The following MYO16 variants were observed in gnomAD, a reference collection of about 807,000 sequenced individuals.
MYO16 encodes the protein myosin XVI.
A neutral mutation model predicts 205.3 loss-of-function variants in MYO16; 94 were observed. The ratio of observed to expected loss-of-function variants is 0.46; its 90% CI spans 0.39 to 0.54. The LOEUF is 0.54. Among genes scored for constraint, MYO16 ranks in the 20% least tolerant of loss-of-function variants. The pLI is 0.00. For synonymous variants in MYO16, 988 were observed against 954.0 expected (o/e 1.04, Z -0.66); for missense variants, 2,315 against 2,387.5 (o/e 0.97, Z 0.63).
chr13:108,500,148 G>A, the MYO16 span, among the ~76,000 whole-genome samples: 1 of 150,000 alleles, frequency 6.7e-6, no homozygotes, highest in Non-Finnish European at 1.5e-5. Context: ...CATCCACACT[G>A]GAATCCTAAT....
At chr13:108,982,337 C>A (rs1355644401) in intron 20 of MYO16, among the ~76,000 whole-genome samples, 1 of 152,156 alleles carries the variant, frequency 6.6e-6, no homozygotes, top group South Asian at 2.1e-4. Context: ...CTCATAGCAT[C>A]ATATTATCTA....
chr13:108,559,855 T>C, the MYO16 span, among the ~76,000 whole-genome samples: 11 of 152,088 alleles, frequency 7.2e-5, no homozygotes, highest in African/African-American at 2.7e-4. Context: ...AAAAACAAGG[T>C]GCAGGAACAC....
At position 109,184,917 on chromosome 13, in the gene MYO16, T is replaced by G. The variant is rs148308019; in HGVS notation, c.5415+5284T>G. Among the ~76,000 whole-genome samples the G allele has an allele frequency of 5.0e-3, 769 of 152,278 alleles. 4 individuals are homozygous for G. The highest frequency in any genetic ancestry group is 8.6e-3 in the Non-Finnish European group (588 of 68,010). On this transcript the variant is annotated intron_variant, in intron 34 of 34. Transcript: ENST00000457511. ...CTGAGTAGCTGGGGCTACAGGCACA[T>G]GCCATCATGCTCGGCTAATTTTTTA... is the stretch of plus-strand genomic sequence containing the variant.
chr13:108,577,440 G>A, the MYO16 span, among the ~76,000 whole-genome samples: 1 of 152,068 alleles, frequency 6.6e-6, no homozygotes, highest in Non-Finnish European at 1.5e-5. Context: ...TCCAGCACCG[G>A]GCACCAGCAC....
intron 27 of MYO16, among the ~76,000 whole-genome samples, chr13:109,075,609 C>T (rs753848275): frequency 2.0e-5 from 3 of 151,966 alleles, no homozygotes; most frequent in Non-Finnish European, 2.9e-5. Context: ...CTCCTGACCT[C>T]GTGATCTGCC....
chr13:108,574,013 G>C, the MYO16 span, among the ~76,000 whole-genome samples: 2 of 152,050 alleles, frequency 1.3e-5, no homozygotes, highest in East Asian at 3.9e-4. Context: ...AGCACACCTG[G>C]CTAATTTTTC....
chr13:108,867,484 G>C (rs1214827574), intron 12 of MYO16, among the ~76,000 whole-genome samples: 2 of 152,130 alleles, frequency 1.3e-5, no homozygotes, highest in African/African-American at 2.4e-5. Context: ...ACCTCACCCT[G>C]TGCAATCTAA....
intron 27 of MYO16, among the ~76,000 whole-genome samples, chr13:109,062,010 G>T (rs747768084): frequency 1.3e-5 from 2 of 152,058 alleles, no homozygotes; most frequent in African/African-American, 2.4e-5. Flanking sequence ...TGTTAGCTAC[G>T]TGAATATTTC....
intron 34 of MYO16, among the ~76,000 whole-genome samples, chr13:109,191,768 C>T (rs115428906): frequency 0.019 from 2,935 of 152,268 alleles, 100 homozygotes; most frequent in African/African-American, 0.066. Flanking sequence ...TTATGAACTA[C>T]GGCAAGAGGC....
intron 2 of MYO16, among the ~76,000 whole-genome samples, chr13:108,698,752 T>A (rs1478351359): frequency 6.6e-6 from 1 of 152,232 alleles, no homozygotes; most frequent in Non-Finnish European, 1.5e-5. Context: ...ACATGCTCAA[T>A]AATTCTCGCC....
rs1311532071 is a variant in MYO16, at chr13:109,019,853, G to A, written c.2738G>A (p.Gly913Glu). ...AVYSPMKDGN[G>E]NVALKDHGTA... ...TACTCCCCCATGAAGGATGGGAATG[G>A]GAATGTTGCCCTCAAAGACCACGGT... The change falls in exon 23 of 35, where the codon GGG becomes GAG. Residue 913 changes from glycine (G) to glutamate (E), a missense_variant. Transcript: ENST00000457511. The A allele has an allele frequency of 3.7e-6, 6 of 1,614,136 alleles. No individual in the cohort carries two copies. The highest frequency in any genetic ancestry group is 1.1e-5 in the South Asian group (1 of 91,084).
chr13:108,580,145 G>C, the MYO16 span, among the ~76,000 whole-genome samples: 1 of 152,090 alleles, frequency 6.6e-6, no homozygotes, highest in Middle Eastern at 3.2e-3. Flanking sequence ...TTAATGTCAT[G>C]GTTTGCACAT....
intron 9 of MYO16, among the ~76,000 whole-genome samples, chr13:108,842,635 C>T (rs532923658): frequency 3.6e-4 from 55 of 152,130 alleles, no homozygotes; most frequent in African/African-American, 1.3e-3. Context: ...AGAAAAGGGA[C>T]CCCTTGAACA....
chr13:108,947,328 T>A (rs7321478), intron 16 of MYO16, among the ~76,000 whole-genome samples: 4,274 of 152,212 alleles, frequency 0.028, 207 homozygotes, highest in African/African-American at 0.094. Context: ...TATTTCTGTG[T>A]GCATGCGCGC....
At chr13:108,645,893 C>T (rs571471210) in intron 1 of MYO16, among the ~76,000 whole-genome samples, 141 of 152,290 alleles carry the variant, frequency 9.3e-4, no homozygotes, top group Middle Eastern at 3.4e-3. Context: ...CTCCAAGTTT[C>T]CCAGCTCAGA....
intron 16 of MYO16, among the ~76,000 whole-genome samples, chr13:108,947,707 C>T (rs911622042): frequency 1.3e-5 from 2 of 152,280 alleles, no homozygotes; most frequent in South Asian, 2.1e-4. Flanking sequence ...CCCAACTAGA[C>T]GTTTCCAAGA....
intron 4 of MYO16, among the ~76,000 whole-genome samples, chr13:108,740,942 G>T (rs1192892819): frequency 1.3e-5 from 2 of 152,154 alleles, no homozygotes; most frequent in Non-Finnish European, 2.9e-5. Context: ...CCATGTTGGG[G>T]ATATAATCTC....
At chr13:109,177,405 A>G (rs907856340) in intron 33 of MYO16, among the ~76,000 whole-genome samples, 2 of 152,124 alleles carry the variant, frequency 1.3e-5, no homozygotes, top group African/African-American at 2.4e-5. Flanking sequence ...AATTGACTCT[A>G]TGCAGTGCTC....
chr13:108,659,448 C>A, intron 1 of MYO16: 1 of 362,580 alleles, frequency 2.8e-6, no homozygotes, highest in Non-Finnish European at 5.4e-6. Flanking sequence ...GCAGGGGCTT[C>A]TGGCCATAAA....
Sources: gnomAD v4.1 joint callset for allele counts (sites outside exome capture counted in the v4.1 genomes callset) on GRCh38, gnomAD v4.1.1 for gene constraint, MANE v1.5 for transcripts, NCBI Gene and HGNC (gene_info 2026-07-23, HGNC 2026-07-21) for gene names.